Variants in ADAMTS16 observed in about 807,000 individuals in gnomAD.
The protein encoded by ADAMTS16 is A disintegrin and metalloproteinase with thrombospondin motifs 16.
ADAMTS16 carries 94 observed loss-of-function variants against 145.8 expected under a neutral mutation model. The ratio of observed to expected loss-of-function variants is 0.64; its 90% CI spans 0.55 to 0.77. ADAMTS16 has a LOEUF of 0.77. Ranked by LOEUF, ADAMTS16 falls within the 30% of genes least tolerant of loss-of-function variation. ADAMTS16 has a pLI of 0.00. For synonymous variants in ADAMTS16, 659 were observed against 604.3 expected (o/e 1.09, Z -1.33); for missense variants, 1,585 against 1,591.5 (o/e 1.00, Z 0.07).
At chr5:5,288,346 T>C (rs889900984) in intron 18 of ADAMTS16, among the ~76,000 whole-genome samples, 1 of 152,180 alleles carries the variant, frequency 6.6e-6, no homozygotes, top group Admixed American at 6.5e-5. Flanking sequence ...AATGTTTAAA[T>C]TCATGTTAGA....
rs1372693281 is a variant in ADAMTS16, at chr5:5,318,187, T to C, written c.3465T>C (p.Ala1155=). 6.4e-7 allele frequency: 1 copy of C among 1,561,038 alleles called. No homozygotes were observed. ...GVQTRSVQCL[A]GGRPASGCLL... is the part of the protein sequence containing the mutation. Reference sequence around the variant, plus strand: ...AGACGAGGTCCGTGCAGTGCCTGGCTGGGGGCCGGCCGGCCTCAGGCTGCC... The same window carrying C: ...AGACGAGGTCCGTGCAGTGCCTGGCCGGGGGCCGGCCGGCCTCAGGCTGCC... Residue 1155 remains alanine, a synonymous_variant, in exon 22 of 23, where the codon GCT becomes GCC. Coordinates refer to ENST00000274181, the MANE Select transcript of ADAMTS16 (RefSeq NM_139056.4).
intron 17 of ADAMTS16, among the ~76,000 whole-genome samples, chr5:5,259,852 GT>G (rs1737941254): frequency 6.6e-6 from 1 of 152,110 alleles, no homozygotes; most frequent in Admixed American, 6.5e-5. Flanking sequence ...GGAATCTTGA[GT>G]TTTTATTTTC....
At chr5:5,318,356 G>A in intron 22 of ADAMTS16, 75 bp downstream of exon 22, 1 of 1,314,924 alleles carries the variant, frequency 7.6e-7, no homozygotes, top group Non-Finnish European at 9.9e-7. Context: ...GTTCCTTGGG[G>A]GGCCTGGAGT....
intron 9 of ADAMTS16, among the ~76,000 whole-genome samples, chr5:5,206,113 T>C (rs1425997365): frequency 1.3e-5 from 2 of 152,142 alleles, no homozygotes; most frequent in Non-Finnish European, 2.9e-5. Context: ...CATTGTGAGT[T>C]AGTTTTTGTA....
intron 18 of ADAMTS16, among the ~76,000 whole-genome samples, chr5:5,284,472 C>T (rs1739038596): frequency 6.6e-6 from 1 of 152,182 alleles, no homozygotes; most frequent in South Asian, 2.1e-4. Flanking sequence ...GTGGCCTTGC[C>T]AGTCCTTCTG....
chr5:5,188,482 G>T (rs1483094768), intron 6 of ADAMTS16, among the ~76,000 whole-genome samples: 1 of 152,102 alleles, frequency 6.6e-6, no homozygotes, highest in African/African-American at 2.4e-5. Context: ...AAGTAATGGG[G>T]AGGCATTTTA....
At chr5:5,193,526 T>C (rs1047522434) in intron 8 of ADAMTS16, among the ~76,000 whole-genome samples, 15 of 152,204 alleles carry the variant, frequency 9.9e-5, no homozygotes, top group African/African-American at 3.6e-4. Flanking sequence ...TTTAAGTCAC[T>C]GAGGGCTTAG....
chr5:5,181,396 T>C (rs1735334765), intron 3 of ADAMTS16, among the ~76,000 whole-genome samples: 1 of 152,218 alleles, frequency 6.6e-6, no homozygotes, highest in African/African-American at 2.4e-5. Context: ...TTTGTCTCTC[T>C]ACGATTTTTA....
rs191207809 is a variant in ADAMTS16, at chr5:5,293,206, C to T, written c.2790-10062C>T. 7.2e-5 allele frequency among the ~76,000 whole-genome samples: 11 copies of T among 152,262 alleles called. No individual in the cohort carries two copies. The East Asian group carries it at 7.7e-4, about 11-fold the overall frequency. ...ATTCCTAACATTTTTCTGATGATGG[C>T]GCTGGCACATTCTTAGTTCGATGGG... On this transcript the variant is annotated intron_variant, in intron 18 of 22. Transcript: ENST00000274181.
rs765644208 is a variant in ADAMTS16 at position 5,182,297 on chromosome 5, G to A, written c.755G>A (p.Arg252His). Residue 252 changes from arginine to histidine, a missense_variant, in exon 4 of 23, where the codon CGC (arginine) becomes CAC (histidine). Arg to His is a conservative substitution (Grantham distance 29). Transcript: ENST00000274181. Reference sequence around the variant, plus strand: ...CAAAAGCAGCATTTCTGTGGAAGACGCAAGAAATGTATGTAAGGGCGAATC... The same window carrying A: ...CAAAAGCAGCATTTCTGTGGAAGACACAAGAAATGTATGTAAGGGCGAATC... ...LPQKQHFCGR[R>H]KKYMPQPPKE... 1.7e-5 allele frequency: 28 copies of A among 1,611,674 alleles called. No individual in the cohort carries two copies. Among genetic ancestry groups the A allele is most frequent in the South Asian group, 1.7e-4 (15 of 90,904 alleles).
At chr5:5,219,645 C>T (rs34560005) in intron 10 of ADAMTS16, among the ~76,000 whole-genome samples, 464 of 152,260 alleles carry the variant, frequency 3.0e-3, no homozygotes, top group Middle Eastern at 0.027. Flanking sequence ...GTTATATGAT[C>T]GTCAGTTTCT....
chr5:5,303,671 A>G lies in ADAMTS16; in HGVS notation c.3091A>G (p.Thr1031Ala), dbSNP rs527695000. ...GCAGCTGCTGCCCGACGCTGTCTGC[A>G]CCTCCGAGCCCAAGCCCAGGATGCA... Reference protein sequence around the residue: ...RAQLLPDAVCTSEPKPRMHEA... With the variant: ...RAQLLPDAVCASEPKPRMHEA... The change falls in exon 20 of 23, where the codon ACC becomes GCC. Residue 1031 changes from threonine (T) to alanine (A), a missense_variant. Coordinates refer to ENST00000274181, the MANE Select transcript of ADAMTS16 (RefSeq NM_139056.4). 19 of 1,613,772 alleles carry G rather than the reference A, an allele frequency of 1.2e-5. No individual in the cohort carries two copies. In the East Asian group the frequency reaches 1.3e-4, roughly 11 times the overall value.
rs1737225221 is a variant in ADAMTS16 at position 5,239,733 on chromosome 5, T to C, written c.2331T>C (p.Tyr777=). 3.7e-6 allele frequency: 6 copies of C among 1,614,080 alleles called. No individual in the cohort carries two copies. Among genetic ancestry groups the C allele is most frequent in the Non-Finnish European group, 5.1e-6 (6 of 1,180,042 alleles). The change falls in exon 16 of 23, where the codon TAT becomes TAC. Residue 777 remains tyrosine (Y), a synonymous_variant. Coordinates refer to ENST00000274181, the MANE Select transcript of ADAMTS16 (RefSeq NM_139056.4). The part of the protein sequence containing the change: ...IPSGARSIRI[Y]EMNVSTSYIS... The stretch of plus-strand genomic sequence containing the variant: ...CTGGAGCCCGGAGTATCCGCATCTA[T>C]GAAATGAACGTCTCTACCTCCTACA...
In ADAMTS16 at chr5:5,306,727, A is replaced by C; in HGVS notation, c.3410A>C (p.Gln1137Pro). ...AGCTGGTTTGCCTCACCCTGGTCTC[A>C]GGTAGGGGAGGCCCTCGGTTCCTGG... is the stretch of plus-strand genomic sequence containing the variant. ...RGSWFASPWS[Q>P]CTASCGGGVQ... is the part of the protein sequence containing the mutation. The change falls in exon 21 of 23, where the codon CAG becomes CCG. Residue 1137 changes from glutamine to proline, a missense_variant and splice_region_variant. By Grantham distance (76) the Gln-to-Pro change is moderately conservative. Around this residue, in one of 3 missense-constraint regions of ADAMTS16, gnomAD observed 834 missense variants for 811.7 expected, o/e 1.03. Transcript: ENST00000274181. 1 of 1,602,708 alleles carries C rather than the reference A, an allele frequency of 6.2e-7. No individual in the cohort carries two copies. Among genetic ancestry groups the C allele is most frequent in the Middle Eastern group, 2.0e-4 (1 of 5,062 alleles).
intron 11 of ADAMTS16, among the ~76,000 whole-genome samples, chr5:5,231,057 C>T (rs1560959184): frequency 1.3e-5 from 2 of 152,186 alleles, no homozygotes; most frequent in Admixed American, 6.5e-5. Flanking sequence ...CATCTCCTTC[C>T]TCTCTGACAA....
chr5:5,264,656 G>A (rs781112741), intron 18 of ADAMTS16, among the ~76,000 whole-genome samples: 1 of 152,090 alleles, frequency 6.6e-6, no homozygotes, highest in African/African-American at 2.4e-5. Flanking sequence ...CACCTCCTTG[G>A]GAAGATCTTG....
intron 18 of ADAMTS16, among the ~76,000 whole-genome samples, chr5:5,301,950 C>T (rs1178460138): frequency 6.6e-6 from 1 of 152,170 alleles, no homozygotes; most frequent in Non-Finnish European, 1.5e-5. Context: ...AGCCAGCTCC[C>T]CTCTCATCCC....
chr5:5,253,890 C>T (rs2964412), intron 17 of ADAMTS16, among the ~76,000 whole-genome samples: 145,568 of 152,222 alleles, frequency 0.96, 69,826 homozygotes, highest in Non-Finnish European at 1. Context: ...AAGATCAGGG[C>T]CCTCCTTTCT....
chr5:5,302,356 C>G (rs777275344), intron 18 of ADAMTS16, among the ~76,000 whole-genome samples: 7 of 152,190 alleles, frequency 4.6e-5, no homozygotes, highest in Non-Finnish European at 1.0e-4. Context: ...GAAAGATAAT[C>G]AGACATGATG....
Sources: gnomAD v4.1 joint callset for allele counts (sites outside exome capture counted in the v4.1 genomes callset) on GRCh38, gnomAD v4.1.1 for gene constraint, gnomAD v4.1.1 regional missense constraint, MANE v1.5 for transcripts, NCBI Gene and HGNC (gene_info 2026-07-23, HGNC 2026-07-21) for gene names.